The following CSMD1 variants were observed in gnomAD, a reference collection of about 807,000 sequenced individuals.
CSMD1 encodes CUB and sushi domain-containing protein 1.
Under a neutral mutation model 417.5 loss-of-function variants are expected in CSMD1, and 213 were observed. That is an observed-to-expected ratio of 0.51 (90% CI 0.46 to 0.57). The LOEUF is 0.57. Among genes scored for constraint, CSMD1 ranks in the 20% least tolerant of loss-of-function variants. CSMD1 has a pLI of 0.00. For missense variants in CSMD1, 6,923 were observed against 4,529.7 expected, an observed-to-expected ratio of 1.53 and a Z score of -15.17; for synonymous variants, 2,862 against 1,736.8, an observed-to-expected ratio of 1.65 and a Z score of -16.11.
rs574375699 is a variant in CSMD1, at chr8:3,982,557, C to T, written c.818+15346G>A. Among the ~76,000 whole-genome samples, 3 of 151,598 alleles carry T rather than the reference C, an allele frequency of 2.0e-5. No homozygotes were observed. In the South Asian group the frequency reaches 6.2e-4, roughly 32 times the overall value. The stretch of plus-strand genomic sequence containing the variant: ...ATTATGTGCACTAGGATTATGTGCA[C>T]TAGAATTATGCGCCTAGTCATTTAG... On this transcript the variant is annotated intron_variant, in intron 5 of 69. Coordinates refer to ENST00000635120, the MANE Select transcript of CSMD1 (RefSeq NM_033225.6).
At chr8:3,847,961 T>A (rs1362879019) in intron 5 of CSMD1, among the ~76,000 whole-genome samples, 1 of 152,110 alleles carries the variant, frequency 6.6e-6, no homozygotes. Context: ...CCAATGATTT[T>A]TATTTATTAT....
At chr8:3,669,801 G>T (rs1047673725) in intron 7 of CSMD1, among the ~76,000 whole-genome samples, 1 of 152,086 alleles carries the variant, frequency 6.6e-6, no homozygotes, top group Non-Finnish European at 1.5e-5. Flanking sequence ...TCCACGTGCA[G>T]CCCTAACAGC....
chr8:4,215,927 T>C (rs755372352), intron 3 of CSMD1, among the ~76,000 whole-genome samples: 1 of 152,232 alleles, frequency 6.6e-6, no homozygotes, highest in Non-Finnish European at 1.5e-5. Flanking sequence ...CGTGGATTCA[T>C]GCAGGACTGA....
intron 26 of CSMD1, among the ~76,000 whole-genome samples, chr8:3,240,119 A>G (rs2116963027): frequency 6.6e-6 from 1 of 152,288 alleles, no homozygotes; most frequent in East Asian, 1.9e-4. Flanking sequence ...GGCTAGGCAA[A>G]ACAGTAAGGT....
At chr8:3,859,498 T>C (rs1227873158) in intron 5 of CSMD1, among the ~76,000 whole-genome samples, 1 of 152,202 alleles carries the variant, frequency 6.6e-6, no homozygotes, top group Non-Finnish European at 1.5e-5. Context: ...CATACTTATA[T>C]CTTCGTTTAC....
chr8:4,697,015 T>C (rs998798330), intron 1 of CSMD1, among the ~76,000 whole-genome samples: 1 of 151,952 alleles, frequency 6.6e-6, no homozygotes, highest in African/African-American at 2.4e-5. Flanking sequence ...CTACTAAAAA[T>C]ACAAAAATTA....
intron 10 of CSMD1, among the ~76,000 whole-genome samples, chr8:3,543,100 G>A (rs542120139): frequency 2.0e-5 from 3 of 152,148 alleles, no homozygotes; most frequent in African/African-American, 4.8e-5. Flanking sequence ...TTCATGCATC[G>A]TGAGCAAATC....
chr8:4,527,288 T>A (rs1796564469), intron 2 of CSMD1, among the ~76,000 whole-genome samples: 1 of 152,210 alleles, frequency 6.6e-6, no homozygotes. Context: ...TGATCAGGAA[T>A]GAGCTGTGTA....
At chr8:4,230,253 T>G (rs893417833) in intron 3 of CSMD1, among the ~76,000 whole-genome samples, 1 of 152,206 alleles carries the variant, frequency 6.6e-6, no homozygotes, top group Non-Finnish European at 1.5e-5. Flanking sequence ...AATAGATTTA[T>G]ATCGTTGAGT....
At chr8:4,082,907 T>A (rs1365844665) in intron 3 of CSMD1, among the ~76,000 whole-genome samples, 1 of 151,850 alleles carries the variant, frequency 6.6e-6, no homozygotes, top group Non-Finnish European at 1.5e-5. Context: ...CAATGATTAT[T>A]TCCAATTTCA....
At chr8:4,059,520 G>C (rs187844453) in intron 3 of CSMD1, among the ~76,000 whole-genome samples, 1 of 151,942 alleles carries the variant, frequency 6.6e-6, no homozygotes, top group Non-Finnish European at 1.5e-5. Context: ...TTTTTGAAAG[G>C]ATCAACAAAA....
intron 1 of CSMD1, among the ~76,000 whole-genome samples, chr8:4,809,667 T>A (rs1798785404): frequency 6.6e-6 from 1 of 152,206 alleles, no homozygotes; most frequent in Admixed American, 6.5e-5. Context: ...AGGGGCCATA[T>A]TTAAAAAGGC....
intron 25 of CSMD1, among the ~76,000 whole-genome samples, chr8:3,306,346 G>T (rs1804844601): frequency 6.6e-6 from 1 of 152,178 alleles, no homozygotes; most frequent in African/African-American, 2.4e-5. Flanking sequence ...GATGCTTTTT[G>T]TATTTTTAGT....
chr8:4,892,160 G>A (rs1409241687), intron 1 of CSMD1, among the ~76,000 whole-genome samples: 1 of 152,034 alleles, frequency 6.6e-6, no homozygotes, highest in Non-Finnish European at 1.5e-5. Context: ...TTTGAACAAA[G>A]TAGTTTCATT....
chr8:3,655,663 T>A (rs1344851145), intron 7 of CSMD1, among the ~76,000 whole-genome samples: 48 of 43,830 alleles, frequency 1.1e-3, no homozygotes, highest in Non-Finnish European at 3.0e-3. Context: ...GGTTGCGTTT[T>A]TTTTTTTTTT....
At chr8:4,466,315 GAGGGAAGAAAGAA>G (rs1482807281) in intron 2 of CSMD1, among the ~76,000 whole-genome samples, 6 of 152,116 alleles carry the variant, frequency 3.9e-5, no homozygotes, top group Non-Finnish European at 7.4e-5. Context: ...AGAAACAGAA[GAGGGAAGAAAGAA>G]AGGGAAGAAA....
chr8:4,201,773 G>C (rs745547804), intron 3 of CSMD1, among the ~76,000 whole-genome samples: 3 of 151,758 alleles, frequency 2.0e-5, no homozygotes, highest in East Asian at 3.9e-4. Context: ...TCTATGAAGG[G>C]AGGTTTATGT....
At chr8:4,247,568 AT>A (rs1251991751) in intron 3 of CSMD1, among the ~76,000 whole-genome samples, 1 of 152,306 alleles carries the variant, frequency 6.6e-6, no homozygotes, top group Non-Finnish European at 1.5e-5. Context: ...ATTCCGCATA[AT>A]ACCACCATTC....
intron 12 of CSMD1, among the ~76,000 whole-genome samples, chr8:3,438,750 C>T (rs1814738910): frequency 6.6e-6 from 1 of 152,030 alleles, no homozygotes; most frequent in African/African-American, 2.4e-5. Context: ...GAACAGAAGC[C>T]TTCACTTCTC....
Sources: allele counts gnomAD v4.1 joint callset (sites outside exome capture counted in the v4.1 genomes callset), GRCh38; gene constraint gnomAD v4.1.1; transcripts MANE v1.5; gene names NCBI Gene and HGNC (gene_info 2026-07-23, HGNC 2026-07-21).